The following ATP13A4 variants were observed in gnomAD, a reference collection of about 807,000 sequenced individuals.
The protein encoded by ATP13A4 is ATPase 13A4.
A neutral mutation model predicts 142.5 loss-of-function variants in ATP13A4; 114 were observed. The ratio of observed to expected loss-of-function variants is 0.80; its 90% CI spans 0.69 to 0.93. The LOEUF is 0.93. Ranked by LOEUF, ATP13A4 falls within the 40% of genes least tolerant of loss-of-function variation. The pLI is 0.00. For missense variants in ATP13A4, 1,392 were observed against 1,454.0 expected, an observed-to-expected ratio of 0.96 and a Z score of 0.69; for synonymous variants, 488 against 514.8, an observed-to-expected ratio of 0.95 and a Z score of 0.70.
rs1384969528 is a variant in ATP13A4 at position 193,502,634 on chromosome 3, T to C, written c.240A>G (p.Glu80=). ...CCTTTTTCCAAGAGTAAATTTGGAA[T>C]TCATCCTGAGGAGATAGACATCAAA... is the stretch of plus-strand genomic sequence containing the variant. ...ADTVLLRTTD[E]FQIYSWKKVI... Residue 80 remains glutamate (E), a synonymous_variant, in exon 3 of 30, where the codon GAA becomes GAG. Transcript: ENST00000342695. 3.1e-6 allele frequency: 5 copies of C among 1,613,942 alleles called. No individual in the cohort carries two copies. The highest frequency in any genetic ancestry group is 2.2e-5 in the South Asian group (2 of 91,076).
chr3:193,418,858 C>A (rs992319094), intron 25 of ATP13A4: 7 of 150,586 alleles, frequency 4.6e-5, no homozygotes, highest in African/African-American at 1.7e-4. Context: ...TGACCCCCTA[C>A]CAGCCTTGAG....
At chr3:193,516,278 A>G (rs1721409156) in intron 1 of ATP13A4, among the ~76,000 whole-genome samples, 2 of 152,206 alleles carry the variant, frequency 1.3e-5, no homozygotes, top group African/African-American at 4.8e-5. Flanking sequence ...TTTGTGTGTA[A>G]ACATTAGATT....
At chr3:193,537,600 TG>T (rs1294384751) in intron 1 of ATP13A4, among the ~76,000 whole-genome samples, 1 of 152,146 alleles carries the variant, frequency 6.6e-6, no homozygotes, top group Non-Finnish European at 1.5e-5. Flanking sequence ...AATTGGACTT[TG>T]TCAAAATTAA....
intron 26 of ATP13A4, among the ~76,000 whole-genome samples, chr3:193,413,159 C>A (rs745877286): frequency 3.3e-5 from 5 of 152,148 alleles, no homozygotes; most frequent in Non-Finnish European, 7.3e-5. Flanking sequence ...AAAATTAATA[C>A]TTTTATAATT....
At position 193,402,705 on chromosome 3, in the gene ATP13A4, T is replaced by C. The variant is rs761259284; in HGVS notation, c.3538A>G (p.Arg1180Gly). ...ACTGGATTGCTGTAAGACACTCCTC[T>C]GCCACACTCCGGCATGTCAGAGTGG... is the stretch of plus-strand genomic sequence containing the variant. ...TSHSDMPECG[R>G]GVSYSNPVFE... The change falls in exon 30 of 30, where the codon AGA becomes GGA. Residue 1180 changes from arginine (R) to glycine (G), a missense_variant. Coordinates refer to ENST00000342695, the MANE Select transcript of ATP13A4 (RefSeq NM_032279.4). 36 of 1,393,084 alleles carry C rather than the reference T, an allele frequency of 2.6e-5. No homozygotes were observed. In the East Asian group the frequency reaches 7.8e-4, roughly 30 times the overall value. 86.3% of individuals were successfully genotyped at this position (1,393,084 alleles called of 1,614,324 possible). A position where few individuals can be genotyped will look rare whatever the true frequency, so the allele number is the denominator to read the frequency against.
intron 2 of ATP13A4, among the ~76,000 whole-genome samples, chr3:193,509,922 C>T (rs1391257722): frequency 6.6e-6 from 1 of 152,202 alleles, no homozygotes. Context: ...GTTATATTCC[C>T]AGTGCCTATG....
chr3:193,573,308 C>CGTATATATATATATATTCTTTTATATAT (rs1229145689), intron 2 of ATP13A4, among the ~76,000 whole-genome samples: 2 of 103,674 alleles, frequency 1.9e-5, no homozygotes, highest in South Asian at 2.8e-4. Context: ...TATATATATA[C>CGTATATATATATATATTCTTTTATATAT]ATATATATAT....
intron 13 of ATP13A4, among the ~76,000 whole-genome samples, chr3:193,462,425 TTAAA>T (rs1718005962): frequency 6.6e-6 from 1 of 152,094 alleles, no homozygotes; most frequent in East Asian, 1.9e-4. Context: ...TGTTACCTCC[TTAAA>T]GGACAGTGTC....
At chr3:193,478,905 A>G (rs996527943) in intron 8 of ATP13A4, among the ~76,000 whole-genome samples, 1 of 152,218 alleles carries the variant, frequency 6.6e-6, no homozygotes, top group Non-Finnish European at 1.5e-5. Flanking sequence ...CAGCATATCA[A>G]AAAGATAATC....
Position 193,440,479 on chromosome 3 carries a change from A to G in ATP13A4, c.2519+79T>C, listed in dbSNP as rs980107491. Reference sequence around the variant, plus strand: ...ACCACTGCCCTTGTCAAACTGAGTGACTCCTGGTACCTCTTCCACTCCCCC... The same window carrying G: ...ACCACTGCCCTTGTCAAACTGAGTGGCTCCTGGTACCTCTTCCACTCCCCC... On this transcript the variant is annotated intron_variant, in intron 21 of 29. Coordinates refer to ENST00000342695, the MANE Select transcript of ATP13A4 (RefSeq NM_032279.4). 6 of 1,602,072 alleles carry G rather than the reference A, an allele frequency of 3.7e-6. No homozygotes were observed. In the Admixed American group the frequency reaches 1.0e-4, roughly 27 times the overall value.
chr3:193,435,532 CTGT>C (rs1716215843), intron 24 of ATP13A4, 113 bp downstream of exon 24: 3 of 852,404 alleles, frequency 3.5e-6, no homozygotes, highest in East Asian at 2.4e-5. Context: ...TTTGGAGGGG[CTGT>C]TGTTGTTCAG....
intron 1 of ATP13A4, 77 bp downstream of exon 1, chr3:193,554,663 T>A: frequency 7.4e-6 from 5 of 675,194 alleles, no homozygotes; most frequent in Non-Finnish European, 1.0e-5. Flanking sequence ...CGTGTGTGTG[T>A]GTGTGTGTGT....
At chr3:193,566,315 C>G (rs1724133558) in intron 2 of ATP13A4, among the ~76,000 whole-genome samples, 1 of 152,086 alleles carries the variant, frequency 6.6e-6, no homozygotes, top group Non-Finnish European at 1.5e-5. Flanking sequence ...TTTTTAGCCC[C>G]TATGATAGAA....
chr3:193,515,765 C>A (rs80230412), intron 1 of ATP13A4, among the ~76,000 whole-genome samples: 4,155 of 152,248 alleles, frequency 0.027, 61 homozygotes, highest in East Asian at 0.032. Context: ...TGGTCTTAGT[C>A]CCACAACTTT....
In ATP13A4 at chr3:193,440,287, C is replaced by G. The variant is rs145873113; in HGVS notation, c.2519+271G>C. 1,254 of 451,004 alleles carry G rather than the reference C, an allele frequency of 2.8e-3. 18 individuals carry two copies. The highest frequency in any genetic ancestry group is 0.023 in the African/African-American group (1,158 of 49,964). 27.9% of individuals were successfully genotyped at this position (451,004 alleles called of 1,614,324 possible). On this transcript the variant is annotated intron_variant, in intron 21 of 29. Coordinates refer to ENST00000342695, the MANE Select transcript of ATP13A4 (RefSeq NM_032279.4). ...TCTTTCAGGACCCTTAGGTTCTAGT[C>G]CAGTGGTTCTCAGCATTGAATGCAA... is the stretch of plus-strand genomic sequence containing the variant.
upstream of ATP13A4, among the ~76,000 whole-genome samples, chr3:193,558,274 C>T (rs1027847804): frequency 1.3e-5 from 2 of 152,048 alleles, no homozygotes; most frequent in African/African-American, 4.8e-5. Flanking sequence ...TTGAATTCAC[C>T]CTCCCTTTCC....
intron 17 of ATP13A4, among the ~76,000 whole-genome samples, chr3:193,449,131 C>T (rs977485246): frequency 2.6e-5 from 4 of 152,186 alleles, no homozygotes; most frequent in African/African-American, 9.7e-5. Context: ...CTTTCTCCAC[C>T]AGCTGGTAGC....
chr3:193,500,042 C>T (rs1720453720), intron 3 of ATP13A4, among the ~76,000 whole-genome samples: 1 of 152,150 alleles, frequency 6.6e-6, no homozygotes, highest in Non-Finnish European at 1.5e-5. Context: ...AACATCTCTG[C>T]CAGGAGTTTA....
At chr3:193,429,133 A>C (rs1715834770) in intron 25 of ATP13A4, among the ~76,000 whole-genome samples, 2 of 152,112 alleles carry the variant, frequency 1.3e-5, no homozygotes, top group Non-Finnish European at 2.9e-5. Context: ...AGGATGGTTA[A>C]AATAATCTTT....
Sources: allele counts gnomAD v4.1 joint callset (sites outside exome capture counted in the v4.1 genomes callset), GRCh38; gene constraint gnomAD v4.1.1; transcripts MANE v1.5; gene names NCBI Gene and HGNC (gene_info 2026-07-23, HGNC 2026-07-21).